The following DCTN4 variants were observed in gnomAD, a reference collection of about 807,000 sequenced individuals.
DCTN4 encodes dynactin 4 (p62).
In DCTN4, 23 loss-of-function variants were observed where a neutral mutation model predicts 62.7. The ratio of observed to expected loss-of-function variants is 0.37; its 90% CI spans 0.26 to 0.52. The LOEUF is 0.52. Among genes scored for constraint, DCTN4 ranks in the 20% least tolerant of loss-of-function variants. The pLI, the probability that DCTN4 is intolerant of heterozygous loss-of-function variation, is 0.92. For synonymous variants in DCTN4, 199 were observed against 202.1 expected (o/e 0.98, Z 0.13); for missense variants, 514 against 580.4 (o/e 0.89, Z 1.18).
At chr5:150,727,999 TTTGA>T (rs1310568992) in intron 8 of DCTN4, among the ~76,000 whole-genome samples, 1 of 152,120 alleles carries the variant, frequency 6.6e-6, no homozygotes. Flanking sequence ...ATCCTTATCC[TTTGA>T]TTTTTAAAAC....
intron 2 of DCTN4, among the ~76,000 whole-genome samples, chr5:150,753,991 G>A (rs1752770624): frequency 6.6e-6 from 1 of 152,174 alleles, no homozygotes; most frequent in African/African-American, 2.4e-5. Flanking sequence ...TGCCTTTAGA[G>A]AGGACAGACC....
At chr5:150,738,715 C>T (rs1361998726) in intron 4 of DCTN4, among the ~76,000 whole-genome samples, 1 of 152,100 alleles carries the variant, frequency 6.6e-6, no homozygotes, top group African/African-American at 2.4e-5. Flanking sequence ...CAAGGATGCC[C>T]ACTTTTACCA....
intron 11 of DCTN4, among the ~76,000 whole-genome samples, chr5:150,717,234 C>T (rs1477596361): frequency 6.6e-6 from 1 of 152,114 alleles, no homozygotes; most frequent in East Asian, 1.9e-4. Context: ...GAGTCAAAAT[C>T]ACCTACTTTA....
At chr5:150,736,231 A>G (rs1452665389) in intron 4 of DCTN4, 1 of 152,232 alleles carries the variant, frequency 6.6e-6, no homozygotes, top group South Asian at 2.1e-4. Flanking sequence ...CTAGAGATCT[A>G]GACATCCAAA....
chr5:150,720,021 C>T (rs1759902724), intron 9 of DCTN4, among the ~76,000 whole-genome samples: 1 of 152,186 alleles, frequency 6.6e-6, no homozygotes, highest in Admixed American at 6.5e-5. Flanking sequence ...TTAGCATTTA[C>T]ATATCAAGAT....
At chr5:150,715,795 A>G in intron 11 of DCTN4, 133 bp from the exon 12 acceptor site, 2 of 673,518 alleles carry the variant, frequency 3.0e-6, no homozygotes, top group East Asian at 2.8e-5. Flanking sequence ...TATGGAGTTT[A>G]TAAGAACAAA....
intron 9 of DCTN4, 92 bp from the exon 10 acceptor site, chr5:150,719,862 C>A: frequency 1.3e-6 from 1 of 752,496 alleles, no homozygotes; most frequent in South Asian, 1.8e-5. Flanking sequence ...TAAAGGATTT[C>A]ATGTTAATTA....
At chr5:150,724,835 C>T (rs1170180805) in intron 8 of DCTN4, among the ~76,000 whole-genome samples, 1 of 151,970 alleles carries the variant, frequency 6.6e-6, no homozygotes, top group African/African-American at 2.4e-5. Flanking sequence ...AAGTGCATAC[C>T]TACCATGCAC....
At chr5:150,713,994 G>A (rs990525120) in intron 12 of DCTN4, among the ~76,000 whole-genome samples, 1 of 152,030 alleles carries the variant, frequency 6.6e-6, no homozygotes, top group Admixed American at 6.5e-5. Flanking sequence ...GCGCTTGCCT[G>A]TAATACAAGC....
chr5:150,750,594 G>T (rs11957230), intron 3 of DCTN4, among the ~76,000 whole-genome samples: 6,261 of 152,266 alleles, frequency 0.041, 456 homozygotes, highest in African/African-American at 0.14. Context: ...GTAAACTGTG[G>T]TGAGTCATAC....
In DCTN4 at chr5:150,731,430, G is replaced by C. The variant is rs138559287; in HGVS notation, c.597C>G (p.Thr199=). The change falls in exon 6 of 13, where the codon ACC becomes ACG. Residue 199 remains threonine (T), a synonymous_variant. Transcript: ENST00000447998. ...QRPRAGASIS[T]LAGLSLKEGE... ...TCTAAACTTACGAAAGTCCGGCAAG[G>C]GTACTGATGGATGCACCAGCTCGTG... The C allele has an allele frequency of 1.8e-5, 29 of 1,613,840 alleles. No individual in the cohort carries two copies. The highest frequency in any genetic ancestry group is 2.5e-5 in the Non-Finnish European group (29 of 1,179,956).
intron 4 of DCTN4, 83 bp downstream of exon 4, chr5:150,742,031 T>G (rs1760786943): frequency 2.3e-5 from 27 of 1,167,520 alleles, no homozygotes; most frequent in Middle Eastern, 1.9e-4. Flanking sequence ...ACAGCTCATA[T>G]CTACCCATAA....
At chr5:150,736,596 G>A (rs1214164874) in intron 4 of DCTN4, among the ~76,000 whole-genome samples, 1 of 152,108 alleles carries the variant, frequency 6.6e-6, no homozygotes, top group Non-Finnish European at 1.5e-5. Flanking sequence ...CACTACAAGA[G>A]GTGCTCAAAG....
At chr5:150,751,652 G>A (rs1581603334) in intron 3 of DCTN4, among the ~76,000 whole-genome samples, 1 of 152,214 alleles carries the variant, frequency 6.6e-6, no homozygotes, top group East Asian at 1.9e-4. Flanking sequence ...TTTCAAAGAT[G>A]TTACAGAATC....
At chr5:150,758,608 C>G in intron 1 of DCTN4, 1 of 1,232,246 alleles carries the variant, frequency 8.1e-7, no homozygotes, top group Non-Finnish European at 1.0e-6. Context: ...CAGACAGACA[C>G]GGTCCCTAAG....
intron 3 of DCTN4, among the ~76,000 whole-genome samples, chr5:150,750,719 T>C (rs1752640610): frequency 1.3e-5 from 2 of 152,214 alleles, no homozygotes; most frequent in Admixed American, 1.3e-4. Flanking sequence ...TGTGGCTGCA[T>C]ACATATGTGG....
chr5:150,727,887 T>A (rs886232533), intron 8 of DCTN4, among the ~76,000 whole-genome samples: 1 of 152,054 alleles, frequency 6.6e-6, no homozygotes, highest in Non-Finnish European at 1.5e-5. Context: ...TAAAGCATTT[T>A]AAAATATTGA....
intron 3 of DCTN4, among the ~76,000 whole-genome samples, chr5:150,750,827 G>A (rs1356413571): frequency 1.3e-5 from 2 of 152,122 alleles, no homozygotes; most frequent in Non-Finnish European, 2.9e-5. Flanking sequence ...TAGGGGGAGG[G>A]CTTAAACTGT....
chr5:150,727,533 T>G (rs1002049048), intron 8 of DCTN4, among the ~76,000 whole-genome samples: 2 of 151,940 alleles, frequency 1.3e-5, no homozygotes. Flanking sequence ...TCCCAGCATT[T>G]TGGGAGGCCG....
Sources: allele counts gnomAD v4.1 joint callset (sites outside exome capture counted in the v4.1 genomes callset), GRCh38; gene constraint gnomAD v4.1.1; transcripts MANE v1.5; gene names NCBI Gene and HGNC (gene_info 2026-07-23, HGNC 2026-07-21).